Variants in ALK observed in about 807,000 individuals in gnomAD.
The protein encoded by ALK is ALK tyrosine kinase receptor.
A neutral mutation model predicts 163.1 loss-of-function variants in ALK; 74 were observed. That is an observed-to-expected ratio of 0.45 (90% CI 0.38 to 0.55). The LOEUF is 0.55. Ranked by LOEUF, ALK falls within the 20% of genes least tolerant of loss-of-function variation. ALK has a pLI of 0.00. For missense variants in ALK, 2,063 were observed against 2,105.3 expected, an observed-to-expected ratio of 0.98 and a Z score of 0.39; for synonymous variants, 960 against 843.2, an observed-to-expected ratio of 1.14 and a Z score of -2.40.
intron 4 of ALK, among the ~76,000 whole-genome samples, chr2:29,406,720 T>C (rs1045166661): frequency 1.3e-5 from 2 of 151,904 alleles, no homozygotes; most frequent in Non-Finnish European, 2.9e-5. Flanking sequence ...GCCAACATGG[T>C]GAAACCTCAT....
chr2:29,731,311 C>A lies in ALK; in HGVS notation c.668-13614G>T, dbSNP rs542892121. Among the ~76,000 whole-genome samples, 58 of 152,294 alleles carry A rather than the reference C, an allele frequency of 3.8e-4. 1 individual carries two copies. Among genetic ancestry groups the A allele is most frequent in the African/African-American group, 1.1e-3 (45 of 41,552 alleles). On this transcript the variant is annotated intron_variant, in intron 1 of 28. Transcript: ENST00000389048. ...TCAGAAGTCCCATCAGGATTAGGGG[C>A]TCATCATGACTGGTGACATTTGCTG...
At chr2:29,294,983 C>A (rs556467696) in intron 9 of ALK, among the ~76,000 whole-genome samples, 2 of 152,186 alleles carry the variant, frequency 1.3e-5, no homozygotes, top group Non-Finnish European at 2.9e-5. Flanking sequence ...TTGATGCTTC[C>A]CATATCATCT....
intron 1 of ALK, among the ~76,000 whole-genome samples, chr2:29,750,606 G>A (rs1680329572): frequency 6.8e-6 from 1 of 147,018 alleles, no homozygotes; most frequent in South Asian, 2.2e-4. Flanking sequence ...TGCTTGAGTG[G>A]AGTGGAGTGT....
chr2:29,203,485 C>CTTTTTTGTTTTTTTTTTTTTTTTT (rs1669232619), intron 26 of ALK, among the ~76,000 whole-genome samples: 1 of 32,544 alleles, frequency 3.1e-5, no homozygotes, highest in African/African-American at 1.2e-4. Context: ...GAGGATGTGC[C>CTTTTTTGTTTTTTTTTTTTTTTTT]TTTTTTTTTT....
intron 3 of ALK, among the ~76,000 whole-genome samples, chr2:29,679,253 C>CTAAA: frequency 6.6e-6 from 1 of 151,812 alleles, no homozygotes; most frequent in South Asian, 2.1e-4. Context: ...GTATTTGAGT[C>CTAAA]TAAAGTGTCC....
At chr2:29,289,332 T>C (rs1197332965) in intron 9 of ALK, among the ~76,000 whole-genome samples, 2 of 152,084 alleles carry the variant, frequency 1.3e-5, no homozygotes, top group African/African-American at 4.8e-5. Flanking sequence ...GTAAGGAGAA[T>C]AAAGCATGGT....
chr2:29,584,537 A>G (rs1674825406), intron 3 of ALK, among the ~76,000 whole-genome samples: 1 of 152,146 alleles, frequency 6.6e-6, no homozygotes, highest in Admixed American at 6.5e-5. Context: ...ACCAAACAAG[A>G]TATCCAAAAA....
Position 29,227,702 on chromosome 2 carries a change from A to G in ALK, c.2816-30T>C. The G allele has an allele frequency of 6.3e-7, 1 of 1,588,590 alleles. No individual in the cohort carries two copies. The highest frequency in any genetic ancestry group is 8.6e-7 in the Non-Finnish European group (1 of 1,157,786). On this transcript the variant is annotated intron_variant, in intron 16 of 28. Transcript: ENST00000389048. This position sits in a 1 kb window ranked among gnomAD's most constrained non-coding sequence, Gnocchi z 4.4. ...GTAGCAAACCAGAGCAGAGTTTAAC[A>G]TGGGGGGTGGGTGCCAAAATCTTAA...
intron 4 of ALK, among the ~76,000 whole-genome samples, chr2:29,415,058 CAT>C (rs1010456452): frequency 1.5e-4 from 23 of 151,296 alleles, no homozygotes; most frequent in African/African-American, 5.1e-4. Context: ...ACCCCACACA[CAT>C]GTATACACAC....
intron 1 of ALK, among the ~76,000 whole-genome samples, chr2:29,779,517 C>G (rs2148349667): frequency 6.6e-6 from 1 of 152,354 alleles, no homozygotes; most frequent in South Asian, 2.1e-4. Context: ...CCAAGGCTCT[C>G]TCTTCACCAG....
At chr2:29,872,086 A>G in intron 1 of ALK, among the ~76,000 whole-genome samples, 1 of 152,134 alleles carries the variant, frequency 6.6e-6, no homozygotes, top group Non-Finnish European at 1.5e-5. Flanking sequence ...AGGAAACCTC[A>G]CACTCTCCAC....
chr2:29,197,768 CT>C (rs757194964), intron 26 of ALK, 92 bp from the exon 27 acceptor site: 90 of 1,137,064 alleles, frequency 7.9e-5, no homozygotes, highest in East Asian at 3.1e-4. Context: ...CAATTTCAAC[CT>C]TTTTTTCCCC....
intron 1 of ALK, among the ~76,000 whole-genome samples, chr2:29,851,021 C>A (rs1375554080): frequency 6.6e-6 from 1 of 152,222 alleles, no homozygotes; most frequent in African/African-American, 2.4e-5. Flanking sequence ...GCGTAACTTT[C>A]TGCCTCCTTC....
At position 29,566,309 on chromosome 2, in the gene ALK, G is replaced by C. The variant is rs978447878; in HGVS notation, c.953-34193C>G. Among the ~76,000 whole-genome samples, 5 of 152,340 alleles carry C rather than the reference G, an allele frequency of 3.3e-5. No individual in the cohort carries two copies. In the East Asian group the frequency reaches 9.6e-4, roughly 29 times the overall value. ...ACACCGAGTTTGCCAGAACTTCCAG[G>C]AGGGGCTGCTAGCCTGCCTCATTTT... On this transcript the variant is annotated intron_variant, in intron 3 of 28. Transcript: ENST00000389048.
chr2:29,381,189 T>G (rs988608085), intron 5 of ALK, among the ~76,000 whole-genome samples: 1 of 152,250 alleles, frequency 6.6e-6, no homozygotes, highest in Non-Finnish European at 1.5e-5. Context: ...GAGCTTCAGT[T>G]TCCCCATCTG....
chr2:29,871,684 TATCAC>T (rs1344863738), intron 1 of ALK, among the ~76,000 whole-genome samples: 7 of 152,178 alleles, frequency 4.6e-5, no homozygotes, highest in African/African-American at 1.7e-4. Context: ...TTGCTACTAA[TATCAC>T]ATGAGTCCCC....
chr2:29,525,429 C>A (rs1454455206), intron 4 of ALK, among the ~76,000 whole-genome samples: 2 of 152,094 alleles, frequency 1.3e-5, no homozygotes, highest in Non-Finnish European at 2.9e-5. Context: ...ACCCAGAATC[C>A]CTGCAGAGCT....
intron 1 of ALK, among the ~76,000 whole-genome samples, chr2:29,864,800 G>A (rs887065913): frequency 6.6e-6 from 1 of 152,222 alleles, no homozygotes; most frequent in East Asian, 1.9e-4. Context: ...TGATGGGAGA[G>A]TCTGCAGTCT....
chr2:29,752,708 G>A (rs561259262), intron 1 of ALK, among the ~76,000 whole-genome samples: 5 of 152,244 alleles, frequency 3.3e-5, no homozygotes, highest in Non-Finnish European at 5.9e-5. Context: ...GCTAGCTCGA[G>A]GAGCTTCTAT....
Sources: gnomAD v4.1 joint callset for allele counts (sites outside exome capture counted in the v4.1 genomes callset) on GRCh38, gnomAD v4.1.1 for gene constraint, Gnocchi (gnomAD v3.1) non-coding constraint, MANE v1.5 for transcripts, NCBI Gene and HGNC (gene_info 2026-07-23, HGNC 2026-07-21) for gene names.